INTS6: variants seen among roughly 807,000 people sequenced by gnomAD.
INTS6 encodes the protein DEAD box protein.
In INTS6, 16 loss-of-function variants were observed where a neutral mutation model predicts 104.9. The ratio of observed to expected loss-of-function variants is 0.15; its 90% confidence interval spans 0.10 to 0.23. The LOEUF (loss-of-function observed/expected upper bound fraction) is 0.23, where lower values mean the gene tolerates loss of function less well. INTS6 is among the 10% of genes least tolerant of loss of function. The probability of loss-of-function intolerance (pLI) is 1.00; values close to 1 mark genes in which losing one functional copy is unlikely to be tolerated. For missense variants in INTS6, 584 were observed against 1,062.8 expected (o/e 0.55, Z 6.26); for synonymous variants, 324 against 358.7 (o/e 0.90, Z 1.09).
At chr13:51,352,913 T>C (rs764736031), downstream of INTS6, among the ~76,000 whole-genome samples, 27 of 152,212 alleles carry the variant, frequency 1.8e-4, no homozygotes, top group Non-Finnish European at 3.4e-4. Flanking sequence ...TTAATTGGTT[T>C]TCATATGTTG....
At chr13:51,444,672 C>T (rs1191936089) in intron 3 of INTS6, 1 of 151,636 alleles carries the variant, frequency 6.6e-6, no homozygotes, top group African/African-American at 2.4e-5. Context: ...TGGCTTGAAC[C>T]CGGGAGGCAG....
rs1045368310 is a variant in INTS6 at position 51,452,490 on chromosome 13, G to A, written c.36C>T (p.Ala12=). 62 of 1,611,950 alleles carry A rather than the reference G, an allele frequency of 3.8e-5. No homozygotes were observed. The highest frequency in any genetic ancestry group is 5.1e-5 in the Non-Finnish European group (60 of 1,178,684). The change falls in exon 1 of 18, where the codon GCC becomes GCT. Residue 12 remains alanine, a synonymous_variant. Coordinates refer to ENST00000311234, the MANE Select transcript of INTS6 (RefSeq NM_012141.3). This position sits in a 1 kb window ranked among gnomAD's most constrained non-coding sequence, Gnocchi z 4.2. The stretch of plus-strand genomic sequence containing the variant: ...CCAGATGGCTGCGCTGGTTCATAGA[G>A]GCAGACGTGTCTATCAGGAACAGTA... ...PILLFLIDTS[A]SMNQRSHLGT...
chr13:51,354,309 T>TA (rs1955446512), exon 4 of INTS6: 1 of 152,200 alleles, frequency 6.6e-6, no homozygotes, highest in South Asian at 2.1e-4. Context: ...GCAAGTTTCT[T>TA]AAACTCTTTA....
intron 4 of INTS6, among the ~76,000 whole-genome samples, chr13:51,418,090 A>T (rs1189569976): frequency 6.6e-6 from 1 of 152,258 alleles, no homozygotes; most frequent in Non-Finnish European, 1.5e-5. Context: ...TAAACACTTA[A>T]GTTTACACAT....
At chr13:51,443,739 CA>C (rs1192083407) in intron 3 of INTS6, 1 of 151,866 alleles carries the variant, frequency 6.6e-6, no homozygotes, top group African/African-American at 2.4e-5. Flanking sequence ...AAAAGTCCAC[CA>C]AGACTAATTT....
At chr13:51,408,969 A>G (rs1956630473) in intron 4 of INTS6, among the ~76,000 whole-genome samples, 1 of 152,204 alleles carries the variant, frequency 6.6e-6, no homozygotes, top group African/African-American at 2.4e-5. Context: ...TTATCTAGGC[A>G]GCTGCATATC....
At chr13:51,437,734 G>C (rs1952717803) in intron 3 of INTS6, 1 of 152,260 alleles carries the variant, frequency 6.6e-6, no homozygotes, top group African/African-American at 2.4e-5. Context: ...GTGAGGCCGG[G>C]CGTGATGGCT....
the INTS6 span, among the ~76,000 whole-genome samples, chr13:51,338,066 A>G: frequency 6.6e-6 from 1 of 152,212 alleles, no homozygotes; most frequent in African/African-American, 2.4e-5. Context: ...TTCCCGAAGG[A>G]TGCTTCTTAA....
At position 51,453,035 on chromosome 13, in the gene INTS6, G is replaced by C. The variant is rs1033665879; in HGVS notation, c.-510C>G. ...TTTCTCAGCCCCTCTCGCTACTGAA[G>C]CGCTTTTCTCTCTCACACTCCGGTT... is the stretch of plus-strand genomic sequence containing the variant. On this transcript the variant is annotated 5_prime_UTR_variant, in exon 1 of 18. Coordinates refer to ENST00000311234, the MANE Select transcript of INTS6 (RefSeq NM_012141.3). 1 of 1,009,386 alleles carries C rather than the reference G, an allele frequency of 9.9e-7. No individual in the cohort carries two copies. The highest frequency in any genetic ancestry group is 1.2e-6 in the Non-Finnish European group (1 of 844,984). The allele number at this position is 1,009,386 out of a possible 1,614,324, so 62.5% of individuals were successfully genotyped here. A position where few individuals can be genotyped will look rare whatever the true frequency, so the allele number is the denominator to read the frequency against.
In INTS6 at chr13:51,361,952, G is replaced by C. The variant is rs778361199; in HGVS notation, c.*3800C>G. The C allele has an allele frequency of 7.4e-6, 12 of 1,611,500 alleles. No individual in the cohort carries two copies. The highest frequency in any genetic ancestry group is 1.7e-4 in the Middle Eastern group (1 of 6,060). ...TTTATCAGTGTCTCTCTAGCAACAA[G>C]GGCTCATTTGTCCACTATCCCCTCA... is the stretch of plus-strand genomic sequence containing the variant. On this transcript the variant is annotated 3_prime_UTR_variant, in exon 18 of 18. Transcript: ENST00000311234.
downstream of INTS6, among the ~76,000 whole-genome samples, chr13:51,352,043 T>G (rs61956916): frequency 0.025 from 3,807 of 152,256 alleles, 62 homozygotes; most frequent in South Asian, 0.056. Context: ...TTACTGTAGT[T>G]TGAGTCCTTC....
At chr13:51,436,709 CTAAGTA>C (rs889903881) in intron 3 of INTS6, 4 of 151,974 alleles carry the variant, frequency 2.6e-5, no homozygotes, top group African/African-American at 9.7e-5. Flanking sequence ...ATTGATAAGA[CTAAGTA>C]TAACTACAAA....
chr13:51,400,532 A>G (rs993762030), intron 4 of INTS6, among the ~76,000 whole-genome samples: 2 of 152,168 alleles, frequency 1.3e-5, no homozygotes, highest in African/African-American at 2.4e-5. Context: ...TCCCAAATGG[A>G]TATCCAATTG....
intron 4 of INTS6, among the ~76,000 whole-genome samples, chr13:51,397,877 G>T (rs373182065): frequency 6.6e-6 from 1 of 151,592 alleles, no homozygotes; most frequent in Non-Finnish European, 1.5e-5. Context: ...CATCTGCAAC[G>T]CAGACAATAT....
At chr13:51,350,564 C>CT (rs1167584845), downstream of INTS6, among the ~76,000 whole-genome samples, 2 of 152,126 alleles carry the variant, frequency 1.3e-5, no homozygotes, top group African/African-American at 4.8e-5. Context: ...GAGTTTTGCC[C>CT]TTCCTCCCAG....
intron 4 of INTS6, among the ~76,000 whole-genome samples, chr13:51,420,814 A>G (rs1322007896): frequency 6.6e-6 from 1 of 152,064 alleles, no homozygotes; most frequent in African/African-American, 2.4e-5. Context: ...TTGTAACCAA[A>G]GTGTTCCTTA....
intron 4 of INTS6, among the ~76,000 whole-genome samples, chr13:51,427,289 G>C (rs1957002036): frequency 6.6e-6 from 1 of 152,138 alleles, no homozygotes; most frequent in African/African-American, 2.4e-5. Flanking sequence ...AAAGAATCAA[G>C]TTCTGCCAGA....
At chr13:51,402,924 T>C (rs1371610750) in intron 4 of INTS6, 2 of 152,212 alleles carry the variant, frequency 1.3e-5, no homozygotes, top group Admixed American at 6.5e-5. Context: ...AAAGCTCAAC[T>C]TAAATTTTAA....
chr13:51,367,847 G>A lies in INTS6; in HGVS notation c.2528C>T (p.Thr843Ile). The A allele has an allele frequency of 6.3e-7, 1 of 1,594,874 alleles. No individual in the cohort carries two copies. The highest frequency in any genetic ancestry group is 8.5e-7 in the Non-Finnish European group (1 of 1,171,334). ...GACATTTTGTAAAAATATTAGTCTT[G>A]TTTGTAAACTGCCTTGCACATGCTT... ...LLKHVQGSLQ[T>I]RLIFLQNVIK... is the part of the protein sequence containing the mutation. Residue 843 changes from threonine to isoleucine, a missense_variant, in exon 17 of 18, where the codon ACA becomes ATA. Coordinates refer to ENST00000311234, the MANE Select transcript of INTS6 (RefSeq NM_012141.3).
Sources: allele counts gnomAD v4.1 joint callset (sites outside exome capture counted in the v4.1 genomes callset), GRCh38; gene constraint gnomAD v4.1.1; non-coding constraint Gnocchi (gnomAD v3.1); transcripts MANE v1.5; gene names NCBI Gene and HGNC (gene_info 2026-07-23, HGNC 2026-07-21).